Variants in PBRM1 observed in about 807,000 individuals in gnomAD.
PBRM1 encodes the protein protein polybromo-1.
A neutral mutation model predicts 194.5 loss-of-function variants in PBRM1; 27 were observed. The observed-to-expected ratio is 0.14, with a 90% CI of 0.10 to 0.19. The LOEUF (loss-of-function observed/expected upper bound fraction) is 0.19, where lower values mean the gene tolerates loss of function less well. Among genes scored for constraint, PBRM1 ranks in the 10% least tolerant of loss-of-function variants. The pLI is 1.00. For synonymous variants in PBRM1, 655 were observed against 693.2 expected (o/e 0.94, Z 0.87); for missense variants, 1,466 against 2,077.2 (o/e 0.71, Z 5.72).
At chr3:52,549,935 A>G (rs566180182) in intron 29 of PBRM1, among the ~76,000 whole-genome samples, 4 of 150,706 alleles carry the variant, frequency 2.7e-5, no homozygotes, top group African/African-American at 9.7e-5. Context: ...AACCATTTTC[A>G]GGCCAGGCAC....
At chr3:52,605,657 C>T (rs966189963) in intron 16 of PBRM1, among the ~76,000 whole-genome samples, 3 of 148,554 alleles carry the variant, frequency 2.0e-5, no homozygotes, top group African/African-American at 7.5e-5. Context: ...GGCTGGAGTA[C>T]AGTGGTGCGG....
exon 7 of PBRM1, chr3:52,648,403 T>C (rs1336699347): frequency 6.2e-7 from 1 of 1,609,472 alleles, no homozygotes; most frequent in Non-Finnish European, 8.5e-7. Flanking sequence ...AGGAGATCTA[T>C]ATCTTTGGCC....
At chr3:52,577,764 G>C (rs1026625906) in intron 21 of PBRM1, among the ~76,000 whole-genome samples, 1 of 152,130 alleles carries the variant, frequency 6.6e-6, no homozygotes, top group Non-Finnish European at 1.5e-5. Flanking sequence ...CTGGATTATT[G>C]CAACAGCATC....
chr3:52,563,549 C>A lies in PBRM1; in HGVS notation c.3876-56G>T. The stretch of plus-strand genomic sequence containing the variant: ...CACCTAATGCCCCTCCAGAATAAGC[C>A]GGAAAGCAGTGTTCCACCTTAACAA... On this transcript the variant is annotated intron_variant, in intron 23 of 29. Coordinates refer to ENST00000296302, the Ensembl canonical transcript of PBRM1. 7 of 1,256,696 alleles carry A rather than the reference C, an allele frequency of 5.6e-6. No homozygotes were observed. In the South Asian group the frequency reaches 7.3e-5, roughly 13 times the overall value. The allele number at this position is 1,256,696 out of a possible 1,614,324, so 77.8% of individuals were successfully genotyped here. A position where few individuals can be genotyped will look rare whatever the true frequency, so the allele number is the denominator to read the frequency against.
chr3:52,632,305 C>T (rs768292112), intron 11 of PBRM1, among the ~76,000 whole-genome samples: 1 of 151,894 alleles, frequency 6.6e-6, no homozygotes, highest in Non-Finnish European at 1.5e-5. Context: ...TTTAAAAGGC[C>T]GGGTATGGTG....
At chr3:52,583,022 CG>C (rs1398029617) in intron 20 of PBRM1, among the ~76,000 whole-genome samples, 1 of 143,540 alleles carries the variant, frequency 7.0e-6, no homozygotes, top group Non-Finnish European at 1.5e-5. Flanking sequence ...GTGTGAACCC[CG>C]AAGATGGAGC....
chr3:52,615,804 C>T (rs1408643152), intron 14 of PBRM1, among the ~76,000 whole-genome samples: 1 of 152,190 alleles, frequency 6.6e-6, no homozygotes, highest in East Asian at 1.9e-4. Flanking sequence ...CTCAAGGTAG[C>T]AGACTTAGCC....
At chr3:52,555,435 T>C (rs1031375111) in intron 26 of PBRM1, among the ~76,000 whole-genome samples, 5 of 152,224 alleles carry the variant, frequency 3.3e-5, no homozygotes, top group African/African-American at 1.2e-4. Flanking sequence ...TTACCACTGC[T>C]GGTAAGAATG....
intron 13 of PBRM1, among the ~76,000 whole-genome samples, chr3:52,625,950 T>C (rs762341754): frequency 1.3e-4 from 20 of 152,194 alleles, no homozygotes; most frequent in Admixed American, 2.0e-4. Context: ...GTATCTGGCC[T>C]GGGCTAATGC....
intron 17 of PBRM1, among the ~76,000 whole-genome samples, chr3:52,597,186 G>A (rs1158344245): frequency 1.3e-5 from 2 of 152,206 alleles, no homozygotes; most frequent in Non-Finnish European, 1.5e-5. Flanking sequence ...GAAGGGTGGT[G>A]CCAGCAATTC....
chr3:52,613,513 T>TTA (rs2094770700), intron 15 of PBRM1, among the ~76,000 whole-genome samples: 2 of 131,692 alleles, frequency 1.5e-5, no homozygotes, highest in Non-Finnish European at 3.1e-5. Flanking sequence ...GGCTAATTTT[T>TTA]TATATTTTTT....
intron 22 of PBRM1, among the ~76,000 whole-genome samples, chr3:52,576,222 A>T (rs2089555642): frequency 1.3e-5 from 2 of 152,196 alleles, no homozygotes; most frequent in African/African-American, 4.8e-5. Context: ...AACAAAAAAA[A>T]CTATCAATGG....
intron 17 of PBRM1, among the ~76,000 whole-genome samples, chr3:52,598,497 T>G (rs2153231591): frequency 6.6e-6 from 1 of 152,374 alleles, no homozygotes; most frequent in East Asian, 1.9e-4. Context: ...TTTTCAATGT[T>G]CATTTACATA....
At chr3:52,637,890 G>A (rs568436822) in intron 10 of PBRM1, among the ~76,000 whole-genome samples, 3 of 151,696 alleles carry the variant, frequency 2.0e-5, no homozygotes, top group East Asian at 1.9e-4. Flanking sequence ...AGGTTGCCAT[G>A]AGCGGGGATT....
At chr3:52,555,114 T>C (rs563185445) in intron 26 of PBRM1, among the ~76,000 whole-genome samples, 1 of 152,344 alleles carries the variant, frequency 6.6e-6, no homozygotes, top group African/African-American at 2.4e-5. Context: ...TTGTAGTTAT[T>C]TTCCCTGGGG....
exon 11 of PBRM1, chr3:52,634,710 T>G (rs770955783): frequency 6.2e-7 from 1 of 1,613,872 alleles, no homozygotes; most frequent in Non-Finnish European, 8.5e-7. Flanking sequence ...CCCTTGGTTA[T>G]TCCGACAACT....
chr3:52,579,651 A>C (rs971564883), intron 20 of PBRM1, among the ~76,000 whole-genome samples: 1 of 151,950 alleles, frequency 6.6e-6, no homozygotes, highest in African/African-American at 2.4e-5. Flanking sequence ...AGAAACTCTG[A>C]AGGAGGCTAG....
At chr3:52,578,716 T>C (rs190772027) in intron 21 of PBRM1, among the ~76,000 whole-genome samples, 115 of 152,344 alleles carry the variant, frequency 7.5e-4, no homozygotes, top group African/African-American at 2.5e-3. Context: ...TGTGGTGCTT[T>C]GAGAGTGTGC....
chr3:52,554,761 C>A (rs537850469), exon 27 of PBRM1: 3 of 1,573,062 alleles, frequency 1.9e-6, no homozygotes, highest in South Asian at 2.4e-5. Flanking sequence ...GCACACCTGG[C>A]GGAAGATGGT....
Sources: gnomAD v4.1 joint callset for allele counts (sites outside exome capture counted in the v4.1 genomes callset) on GRCh38, gnomAD v4.1.1 for gene constraint, MANE v1.5 for transcripts, NCBI Gene and HGNC (gene_info 2026-07-23, HGNC 2026-07-21) for gene names.